RASA4: variants seen among roughly 807,000 people sequenced by gnomAD.
RASA4 encodes the protein RAS p21 protein activator 4.
In RASA4, 5 loss-of-function variants were observed where a neutral mutation model predicts 24.0. The observed-to-expected ratio is 0.21, with a 90% confidence interval of 0.11 to 0.44. The LOEUF (loss-of-function observed/expected upper bound fraction) is 0.44, where lower values mean the gene tolerates loss of function less well. Among genes scored for constraint, RASA4 ranks in the 20% least tolerant of loss-of-function variants. The pLI is 0.99. For synonymous variants in RASA4, 9 were observed against 132.7 expected, an observed-to-expected ratio of 0.07 and a Z score of 6.41; for missense variants, 38 against 293.0, an observed-to-expected ratio of 0.13 and a Z score of 6.35.
At chr7:102,587,511 GCCAGCATT>G (rs1789809262) in intron 18 of RASA4, 116 bp downstream of exon 18, 20 of 72,248 alleles carry the variant, frequency 2.8e-4, no homozygotes, top group South Asian at 1.2e-3. Flanking sequence ...TCCTGGAGGG[GCCAGCATT>G]CCTTGGGTTA....
At position 102,605,906 on chromosome 7, in the gene RASA4, C is replaced by T. The variant is rs569276008; in HGVS notation, c.380G>A (p.Trp127Ter). 6 of 1,589,698 alleles carry T rather than the reference C, an allele frequency of 3.8e-6. No individual in the cohort carries two copies. The South Asian group carries it at 6.8e-5, about 18-fold the overall frequency. Residue 127 changes from tryptophan to a stop codon, truncating the protein, a stop_gained, in exon 5 of 21, where the codon TGG becomes TAG. Transcript: ENST00000262940. LOFTEE classifies it high-confidence loss of function. ...QGEIHLRLEV[W>*]PGARACRLRC... is the part of the protein sequence containing the mutation. Reference sequence around the variant, plus strand: ...TAGCCGGCAGGCCCGGGCCCCTGGCCACACTTCCAGCCGCAGGTGGATCTC... The same window carrying T: ...TAGCCGGCAGGCCCGGGCCCCTGGCTACACTTCCAGCCGCAGGTGGATCTC...
intron 11 of RASA4, among the ~76,000 whole-genome samples, chr7:102,594,903 C>T (rs1448649044): frequency 1.8e-5 from 1 of 54,140 alleles, no homozygotes; most frequent in African/African-American, 4.0e-5. Context: ...GTGCGGGGCA[C>T]GGAGTCTAGC....
At chr7:102,606,689 AAG>A (rs1790688254) in intron 4 of RASA4, among the ~76,000 whole-genome samples, 1 of 106,402 alleles carries the variant, frequency 9.4e-6, no homozygotes, top group Non-Finnish European at 2.1e-5. Context: ...AAAAAAAAAA[AAG>A]ATGGAGTCTT....
In RASA4 at chr7:102,579,763, T is replaced by C. The variant is rs1339410485; in HGVS notation, c.*3008A>G. On this transcript the variant is annotated 3_prime_UTR_variant, in exon 21 of 21. Coordinates refer to ENST00000262940, the MANE Select transcript of RASA4 (RefSeq NM_006989.6). ...TTGTCTGTAATTATCAGCTCGTGGC[T>C]ACCTCTACCTCTCCCCTCTACCTCT... is the stretch of plus-strand genomic sequence containing the variant. 4.0e-6 allele frequency: 1 copy of C among 248,536 alleles called. No homozygotes were observed. The highest frequency in any genetic ancestry group is 3.2e-5 in the African/African-American group (1 of 31,530). The allele number at this position is 248,536 out of a possible 1,614,324, so 15.4% of individuals were successfully genotyped here.
intron 16 of RASA4, among the ~76,000 whole-genome samples, chr7:102,591,053 CAGG>C (rs746530589): frequency 6.3e-5 from 8 of 126,722 alleles, no homozygotes; most frequent in Non-Finnish European, 1.1e-4. Flanking sequence ...GAGGCTGGGG[CAGG>C]AGGATTGCCT....
At chr7:102,611,936 T>A (rs1435403855) in intron 1 of RASA4, 1 of 119,226 alleles carries the variant, frequency 8.4e-6, no homozygotes, top group Admixed American at 8.6e-5. Flanking sequence ...CTCCTGTTCC[T>A]CCCGCAGGGG....
At chr7:102,610,347 G>A (rs1346484123) in intron 2 of RASA4, among the ~76,000 whole-genome samples, 1 of 131,896 alleles carries the variant, frequency 7.6e-6, no homozygotes, top group African/African-American at 2.7e-5. Flanking sequence ...ACTGGGCTCC[G>A]AGTAGGCCAC....
intron 16 of RASA4, among the ~76,000 whole-genome samples, chr7:102,590,640 G>C (rs1789934313): frequency 7.2e-6 from 1 of 138,242 alleles, no homozygotes; most frequent in Non-Finnish European, 1.5e-5. Flanking sequence ...GTAGTCCCAG[G>C]CTCTAATAGT....
At chr7:102,603,865 C>CCAAA (rs1184093971) in intron 5 of RASA4, among the ~76,000 whole-genome samples, 18 of 80,204 alleles carry the variant, frequency 2.2e-4, no homozygotes, top group Non-Finnish European at 3.4e-4. Flanking sequence ...AAAAAACCAC[C>CCAAA]AAAAAAAAAA....
chr7:102,590,872 G>A (rs1453005179), intron 16 of RASA4, among the ~76,000 whole-genome samples: 2 of 142,354 alleles, frequency 1.4e-5, no homozygotes, highest in Non-Finnish European at 3.0e-5. Context: ...CCCGGGAGGC[G>A]GAGGTTGCGG....
intron 18 of RASA4, among the ~76,000 whole-genome samples, chr7:102,585,868 T>C: frequency 6.7e-6 from 1 of 149,798 alleles, no homozygotes; most frequent in Non-Finnish European, 1.5e-5. Flanking sequence ...TTTTTTTTTT[T>C]TTGAGATGGA....
chr7:102,610,714 T>C (rs1166472074), intron 2 of RASA4, among the ~76,000 whole-genome samples: 1 of 151,422 alleles, frequency 6.6e-6, no homozygotes, highest in Non-Finnish European at 1.5e-5. Flanking sequence ...AGTTTCCTTG[T>C]CTGTAAATGG....
At chr7:102,612,432 AAC>A (rs1462465179) in intron 1 of RASA4, among the ~76,000 whole-genome samples, 2 of 131,782 alleles carry the variant, frequency 1.5e-5, no homozygotes, top group African/African-American at 2.7e-5. Context: ...GGGGAAGGCA[AAC>A]ACGCGCTCAG....
intron 4 of RASA4, among the ~76,000 whole-genome samples, chr7:102,606,431 T>A (rs1790670942): frequency 8.7e-6 from 1 of 114,932 alleles, no homozygotes; most frequent in East Asian, 2.6e-4. Flanking sequence ...AAAGATGGAG[T>A]CTTGCTATGT....
chr7:102,590,556 C>T (rs1789927373), intron 16 of RASA4, among the ~76,000 whole-genome samples: 1 of 88,094 alleles, frequency 1.1e-5, no homozygotes, highest in Admixed American at 1.2e-4. Flanking sequence ...CCAGCATTCC[C>T]TGGGCTACAA....
Position 102,602,984 on chromosome 7 carries a change from G to A in RASA4, c.429-579C>T, listed in dbSNP as rs1318288987. 1.5e-4 allele frequency among the ~76,000 whole-genome samples: 22 copies of A among 151,046 alleles called. No individual in the cohort carries two copies. In the East Asian group the frequency reaches 2.4e-3, roughly 16 times the overall value. Reference sequence around the variant, plus strand: ...TCCAGCTTTTTTTTTTTTTTGAGACGGAGTCTCGCTCTGTCGCCCAGGCTG... The same window carrying A: ...TCCAGCTTTTTTTTTTTTTTGAGACAGAGTCTCGCTCTGTCGCCCAGGCTG... On this transcript the variant is annotated intron_variant, in intron 5 of 20. Transcript: ENST00000262940.
chr7:102,610,319 G>A (rs1790782750), intron 2 of RASA4, among the ~76,000 whole-genome samples: 1 of 123,902 alleles, frequency 8.1e-6, no homozygotes, highest in South Asian at 3.5e-4. Context: ...CTGGGAGCCT[G>A]CTTGCAGGTA....
chr7:102,591,132 TAAAG>T (rs1789979980), intron 16 of RASA4, among the ~76,000 whole-genome samples: 1 of 96,620 alleles, frequency 1.0e-5, no homozygotes, highest in Non-Finnish European at 2.0e-5. Context: ...AAAAAAAAGT[TAAAG>T]AAAATTAGCT....
At chr7:102,604,173 A>C (rs1790507755) in intron 5 of RASA4, among the ~76,000 whole-genome samples, 1 of 148,732 alleles carries the variant, frequency 6.7e-6, no homozygotes, top group African/African-American at 2.4e-5. Flanking sequence ...AAAACAAAAA[A>C]CAAAAAAACC....
Sources: allele counts gnomAD v4.1 joint callset (sites outside exome capture counted in the v4.1 genomes callset), GRCh38; gene constraint gnomAD v4.1.1; transcripts MANE v1.5; gene names NCBI Gene and HGNC (gene_info 2026-07-23, HGNC 2026-07-21).